The following ACSM1 variants were observed in gnomAD, a reference collection of about 807,000 sequenced individuals.
The protein encoded by ACSM1 is acyl-coenzyme A synthetase ACSM1, mitochondrial.
A neutral mutation model predicts 75.8 loss-of-function variants in ACSM1; 79 were observed. That is an observed-to-expected ratio of 1.04 (90% CI 0.87 to 1.26). The LOEUF is 1.26. Among genes scored for constraint, ACSM1 ranks in the 50% most tolerant of loss-of-function variants. The probability of loss-of-function intolerance (pLI) is 0.00; values close to 1 mark genes in which losing one functional copy is unlikely to be tolerated. For missense variants in ACSM1, 676 were observed against 720.1 expected (o/e 0.94, Z 0.70); for synonymous variants, 279 against 265.8 (o/e 1.05, Z -0.48).
intron 2 of ACSM1, among the ~76,000 whole-genome samples, chr16:20,689,024 A>G (rs2079605331): frequency 6.7e-6 from 1 of 149,028 alleles, no homozygotes; most frequent in Admixed American, 6.7e-5. Flanking sequence ...GTTAACATAT[A>G]TTTACAATAT....
At chr16:20,636,053 C>A (rs997630390) in intron 10 of ACSM1, among the ~76,000 whole-genome samples, 1 of 152,138 alleles carries the variant, frequency 6.6e-6, no homozygotes, top group Non-Finnish European at 1.5e-5. Flanking sequence ...CCCTTGAAAC[C>A]ACAGTGTGAG....
chr16:20,672,803 T>C (rs2020028323), intron 4 of ACSM1, among the ~76,000 whole-genome samples: 1 of 116,602 alleles, frequency 8.6e-6, no homozygotes, highest in Non-Finnish European at 1.6e-5. Context: ...AAAATATGTA[T>C]AATATATAAT....
chr16:20,649,838 G>A (rs948162151), intron 7 of ACSM1, among the ~76,000 whole-genome samples: 2 of 152,260 alleles, frequency 1.3e-5, no homozygotes, highest in African/African-American at 2.4e-5. Context: ...CACCTTGGGC[G>A]TATGTTCTCA....
chr16:20,643,895 A>G (rs1286774729), intron 7 of ACSM1, among the ~76,000 whole-genome samples: 1 of 152,114 alleles, frequency 6.6e-6, no homozygotes, highest in Non-Finnish European at 1.5e-5. Flanking sequence ...TGGTGAATTT[A>G]CAGTCCTTTA....
intron 7 of ACSM1, among the ~76,000 whole-genome samples, chr16:20,647,508 G>A (rs961462058): frequency 1.3e-5 from 2 of 152,122 alleles, no homozygotes; most frequent in African/African-American, 2.4e-5. Context: ...GGGTCCTCTT[G>A]TAAAAGGGAA....
intron 6 of ACSM1, among the ~76,000 whole-genome samples, chr16:20,666,215 A>G (rs2019557975): frequency 6.6e-6 from 1 of 152,178 alleles, no homozygotes; most frequent in African/African-American, 2.4e-5. Context: ...ATATATGATT[A>G]TATACATTAA....
At chr16:20,687,831 C>T (rs890292086) in intron 2 of ACSM1, among the ~76,000 whole-genome samples, 24 of 152,004 alleles carry the variant, frequency 1.6e-4, no homozygotes, top group African/African-American at 5.8e-4. Flanking sequence ...TGCCTGTAAA[C>T]CCAGCACTTT....
chr16:20,631,874 C>T (rs2017368168), intron 10 of ACSM1, among the ~76,000 whole-genome samples: 1 of 152,090 alleles, frequency 6.6e-6, no homozygotes, highest in Admixed American at 6.6e-5. Context: ...GCAAAGTTGG[C>T]AGGGGGTAAG....
intron 6 of ACSM1, among the ~76,000 whole-genome samples, chr16:20,664,595 T>C (rs2019471110): frequency 6.6e-6 from 1 of 152,154 alleles, no homozygotes; most frequent in African/African-American, 2.4e-5. Context: ...GACACATGAT[T>C]GAGACAGAAA....
At chr16:20,668,299 T>C (rs1251958999) in intron 6 of ACSM1, among the ~76,000 whole-genome samples, 1 of 152,206 alleles carries the variant, frequency 6.6e-6, no homozygotes, top group Non-Finnish European at 1.5e-5. Context: ...ATTTGTAGAA[T>C]TTTAAACTTT....
At chr16:20,685,593 A>C (rs2079533394) in intron 2 of ACSM1, among the ~76,000 whole-genome samples, 190 bp from the exon 3 acceptor site, 1 of 151,996 alleles carries the variant, frequency 6.6e-6, no homozygotes, top group Admixed American at 6.6e-5. Context: ...AGGTGGAGGC[A>C]GGTTGATCAT....
intron 2 of ACSM1, among the ~76,000 whole-genome samples, chr16:20,689,251 C>T (rs1437093756): frequency 6.6e-6 from 1 of 151,602 alleles, no homozygotes; most frequent in East Asian, 1.9e-4. Context: ...GCTAGAACTA[C>T]AAGATATCAT....
At chr16:20,687,184 G>C (rs1240545148) in intron 2 of ACSM1, among the ~76,000 whole-genome samples, 1 of 151,982 alleles carries the variant, frequency 6.6e-6, no homozygotes, top group African/African-American at 2.4e-5. Flanking sequence ...TAGAAACCAT[G>C]GCATAATTTG....
In ACSM1 at chr16:20,661,781, A is replaced by G; in HGVS notation, c.992+13T>C. On this transcript the variant is annotated intron_variant, in intron 7 of 13. Transcript: ENST00000520010. ...TTACCCAAAGATGTTGTTACAAGCC[A>G]CTTCTACCATACCTGGTGAAATCCT... 1.3e-6 allele frequency: 2 copies of G among 1,596,712 alleles called. No homozygotes were observed. Among genetic ancestry groups the G allele is most frequent in the Non-Finnish European group, 1.7e-6 (2 of 1,165,934 alleles).
chr16:20,664,754 A>T (rs763599718), intron 6 of ACSM1, among the ~76,000 whole-genome samples: 1 of 152,178 alleles, frequency 6.6e-6, no homozygotes, highest in Non-Finnish European at 1.5e-5. Context: ...AGGTTCAGTC[A>T]TAAAGCAAGT....
intron 6 of ACSM1, among the ~76,000 whole-genome samples, chr16:20,668,127 T>C (rs1403706964): frequency 6.6e-6 from 1 of 152,160 alleles, no homozygotes; most frequent in Non-Finnish European, 1.5e-5. Flanking sequence ...AATATACTCA[T>C]GTAACGAATC....
At position 20,661,780 on chromosome 16, in the gene ACSM1, C is replaced by A. The variant is rs754844249; in HGVS notation, c.992+14G>T. On this transcript the variant is annotated intron_variant, in intron 7 of 13. Coordinates refer to ENST00000520010, the MANE Select transcript of ACSM1 (RefSeq NM_001318890.3). ...CTTACCCAAAGATGTTGTTACAAGC[C>A]ACTTCTACCATACCTGGTGAAATCC... 1 of 1,593,182 alleles carries A rather than the reference C, an allele frequency of 6.3e-7. No homozygotes were observed. Among genetic ancestry groups the A allele is most frequent in the Non-Finnish European group, 8.6e-7 (1 of 1,163,192 alleles).
chr16:20,654,146 A>C (rs2018809337), intron 7 of ACSM1, among the ~76,000 whole-genome samples: 1 of 152,198 alleles, frequency 6.6e-6, no homozygotes, highest in South Asian at 2.1e-4. Context: ...CAAAAACAAG[A>C]AATGGGGAAA....
At chr16:20,691,331 CT>C (rs1436838406) in intron 1 of ACSM1, 92 bp from the exon 2 acceptor site, 2 of 648,162 alleles carry the variant, frequency 3.1e-6, no homozygotes, top group Non-Finnish European at 5.0e-6. Context: ...ACAGTTATAG[CT>C]TTGTTTCAGG....
Sources: allele counts gnomAD v4.1 joint callset (sites outside exome capture counted in the v4.1 genomes callset), GRCh38; gene constraint gnomAD v4.1.1; transcripts MANE v1.5; gene names NCBI Gene and HGNC (gene_info 2026-07-23, HGNC 2026-07-21).